The following OSBPL6 variants were observed in gnomAD, a reference collection of about 807,000 sequenced individuals.
OSBPL6 encodes oxysterol-binding protein-related protein 6.
In OSBPL6, 49 loss-of-function variants were observed where a neutral mutation model predicts 125.8. The ratio of observed to expected loss-of-function variants is 0.39; its 90% CI spans 0.31 to 0.49. OSBPL6 has a LOEUF of 0.49. Ranked by LOEUF, OSBPL6 falls within the 20% of genes least tolerant of loss-of-function variation. The probability of loss-of-function intolerance (pLI) is 0.88; values close to 1 mark genes in which losing one functional copy is unlikely to be tolerated. For missense variants in OSBPL6, 986 were observed against 1,135.4 expected, an observed-to-expected ratio of 0.87 and a Z score of 1.89; for synonymous variants, 394 against 391.8, an observed-to-expected ratio of 1.01 and a Z score of -0.07.
chr2:178,248,693 T>C (rs1308108144), intron 1 of OSBPL6, among the ~76,000 whole-genome samples: 2 of 152,158 alleles, frequency 1.3e-5, no homozygotes, highest in Non-Finnish European at 2.9e-5. Context: ...CCTGACCTTT[T>C]TGTTTGGGGA....
chr2:178,311,834 C>T (rs946650941), intron 3 of OSBPL6, among the ~76,000 whole-genome samples: 12 of 152,014 alleles, frequency 7.9e-5, no homozygotes, highest in Admixed American at 3.9e-4. Flanking sequence ...TGAGAGTGGA[C>T]GTGTGATGGA....
intron 1 of OSBPL6, among the ~76,000 whole-genome samples, chr2:178,249,642 C>T (rs2154001305): frequency 6.6e-6 from 1 of 152,194 alleles, no homozygotes; most frequent in South Asian, 2.1e-4. Context: ...GTTTAAGGTA[C>T]TCTCTATGTA....
chr2:178,229,414 T>G (rs1272760874), intron 1 of OSBPL6, among the ~76,000 whole-genome samples: 1 of 152,190 alleles, frequency 6.6e-6, no homozygotes, highest in Non-Finnish European at 1.5e-5. Context: ...GTAACCACAT[T>G]TGGCTAGTGA....
intron 1 of OSBPL6, among the ~76,000 whole-genome samples, chr2:178,278,757 A>T (rs895786623): frequency 6.6e-6 from 1 of 152,208 alleles, no homozygotes; most frequent in Non-Finnish European, 1.5e-5. Flanking sequence ...TGAAACTTTC[A>T]TAGGTAGGAA....
intron 17 of OSBPL6, among the ~76,000 whole-genome samples, chr2:178,383,766 C>G (rs1043907297): frequency 5.9e-5 from 9 of 152,186 alleles, no homozygotes; most frequent in East Asian, 1.9e-4. Context: ...GTTTCAGAAC[C>G]TTTGAACTCT....
chr2:178,266,550 G>T (rs893998574), intron 1 of OSBPL6, among the ~76,000 whole-genome samples: 8 of 152,148 alleles, frequency 5.3e-5, no homozygotes, highest in Admixed American at 5.2e-4. Flanking sequence ...GGTGGGCATG[G>T]CTCTTGTGAG....
intron 1 of OSBPL6, among the ~76,000 whole-genome samples, chr2:178,283,949 A>G (rs1440278397): frequency 6.6e-6 from 1 of 152,222 alleles, no homozygotes; most frequent in Non-Finnish European, 1.5e-5. Flanking sequence ...CCTGTGACCC[A>G]GACACCTCCC....
intron 22 of OSBPL6, 114 bp downstream of exon 22, chr2:178,391,331 A>G: frequency 8.8e-7 from 1 of 1,131,954 alleles, no homozygotes; most frequent in East Asian, 2.7e-5. Context: ...GAGTGAGATT[A>G]AAAGCGTAGA....
chr2:178,248,302 C>G (rs1455825447), intron 1 of OSBPL6, among the ~76,000 whole-genome samples: 2 of 152,138 alleles, frequency 1.3e-5, no homozygotes, highest in African/African-American at 4.8e-5. Context: ...TGAAGGTGCT[C>G]TAAAAATGTT....
chr2:178,354,126 G>T (rs558599014), intron 12 of OSBPL6, among the ~76,000 whole-genome samples: 1 of 152,154 alleles, frequency 6.6e-6, no homozygotes, highest in African/African-American at 2.4e-5. Context: ...CAGCCACTGC[G>T]AAAACATGCC....
At chr2:178,195,184 CTGGGGAAGTTGTGCA>C (rs776738950) in intron 1 of OSBPL6, among the ~76,000 whole-genome samples, 3 of 152,220 alleles carry the variant, frequency 2.0e-5, no homozygotes, top group Non-Finnish European at 4.4e-5. Context: ...AGAGGAGCGG[CTGGGGAAGTTGTGCA>C]TTGGGTTTTA....
intron 1 of OSBPL6, among the ~76,000 whole-genome samples, chr2:178,229,707 G>A (rs549997254): frequency 3.9e-5 from 6 of 152,302 alleles, no homozygotes; most frequent in African/African-American, 1.4e-4. Context: ...GTGTGCACCT[G>A]TACTCTCAGC....
At chr2:178,249,378 C>T (rs1230048077) in intron 1 of OSBPL6, among the ~76,000 whole-genome samples, 1 of 152,000 alleles carries the variant, frequency 6.6e-6, no homozygotes, top group Non-Finnish European at 1.5e-5. Flanking sequence ...TAAATTTATT[C>T]CTTTACAGGG....
chr2:178,194,168 G>A (rs1246970870), upstream of OSBPL6, among the ~76,000 whole-genome samples: 1 of 152,204 alleles, frequency 6.6e-6, no homozygotes. Flanking sequence ...CTGCGCGCAG[G>A]CCCGCGGATG....
At chr2:178,216,500 TGA>T (rs1056154460) in intron 1 of OSBPL6, among the ~76,000 whole-genome samples, 10 of 152,240 alleles carry the variant, frequency 6.6e-5, no homozygotes, top group Admixed American at 4.6e-4. Flanking sequence ...TAAGCGGAGG[TGA>T]GAGAGAGGAA....
rs1395905004 is a variant in OSBPL6 at position 178,348,577 on chromosome 2, G to A, written c.988-647G>A. Among the ~76,000 whole-genome samples, 3 of 152,088 alleles carry A rather than the reference G, an allele frequency of 2.0e-5. 1 individual carries two copies. Among genetic ancestry groups the A allele is most frequent in the Admixed American group, 1.3e-4 (2 of 15,272 alleles). On this transcript the variant is annotated intron_variant, in intron 11 of 24. Transcript: ENST00000190611. The stretch of plus-strand genomic sequence containing the variant: ...TACTTACTGCTTCTCAGTATTGGCT[G>A]GTTCATGAGCCATGTGCATATATGT...
rs71393412 is a variant in OSBPL6, at chr2:178,260,357, CTATATG to C, written c.-350-24550_-350-24545del. 9.1e-4 allele frequency among the ~76,000 whole-genome samples: 137 copies of C among 151,366 alleles called. 1 individual carries two copies. The highest frequency in any genetic ancestry group is 3.4e-3 in the Middle Eastern group (1 of 294). The stretch of plus-strand genomic sequence containing the variant: ...AGAGCCCTTCCAATTGACTTCCAAG[CTATATG>C]TATATGTATATGTATATGTGTATGT... On this transcript the variant is annotated intron_variant, in intron 1 of 24. Coordinates refer to ENST00000190611, the MANE Select transcript of OSBPL6 (RefSeq NM_032523.4).
rs1427674730 is a variant in OSBPL6, at chr2:178,361,713, C to A, written c.1185C>A (p.Ser395Arg). 1 of 1,614,094 alleles carries A rather than the reference C, an allele frequency of 6.2e-7. No homozygotes were observed. Among genetic ancestry groups the A allele is most frequent in the African/African-American group, 1.3e-5 (1 of 75,032 alleles). The change falls in exon 13 of 25, where the codon AGC becomes AGA. Residue 395 changes from serine to arginine, a missense_variant. By Grantham distance (110) the Ser-to-Arg change is moderately radical. Around this residue, in one of 3 missense-constraint regions of OSBPL6, gnomAD observed 843 missense variants for 997.3 expected, o/e 0.85. Transcript: ENST00000190611. ...CTCTTTTGAAGTCTGCATTTAATAG[C>A]ATAGCTATAGAGAAGGAGAAGCTGA... ...VHSLLKSAFN[S>R]IAIEKEKLKQ... is the part of the protein sequence containing the mutation.
At chr2:178,320,489 A>C in intron 3 of OSBPL6, 2 of 1,389,132 alleles carry the variant, frequency 1.4e-6, no homozygotes, top group Non-Finnish European at 2.0e-6. Flanking sequence ...TTTGAGAGGA[A>C]ACTTGATTTT....
Sources: allele counts gnomAD v4.1 joint callset (sites outside exome capture counted in the v4.1 genomes callset), GRCh38; gene constraint gnomAD v4.1.1; regional missense constraint gnomAD v4.1.1; transcripts MANE v1.5; gene names NCBI Gene and HGNC (gene_info 2026-07-23, HGNC 2026-07-21).